PRKN: variants seen among roughly 807,000 people sequenced by gnomAD.
The protein encoded by PRKN is parkin RBR E3 ubiquitin protein ligase.
Under a neutral mutation model 59.5 loss-of-function variants are expected in PRKN, and 56 were observed. The observed-to-expected ratio is 0.94, with a 90% CI of 0.76 to 1.18. PRKN has a LOEUF of 1.18. Ranked by LOEUF, PRKN falls within the 50% of genes most tolerant of loss-of-function variation. PRKN has a pLI of 0.00. For missense variants in PRKN, 657 were observed against 596.4 expected (o/e 1.10, Z -1.06); for synonymous variants, 250 against 222.1 (o/e 1.13, Z -1.12).
At chr6:161,662,846 T>C (rs1784596104) in intron 7 of PRKN, among the ~76,000 whole-genome samples, 1 of 152,136 alleles carries the variant, frequency 6.6e-6, no homozygotes, top group South Asian at 2.1e-4. Context: ...GTGAAATACA[T>C]GAACATTCAT....
At chr6:162,670,776 C>G (rs990835767) in intron 1 of PRKN, among the ~76,000 whole-genome samples, 2 of 152,132 alleles carry the variant, frequency 1.3e-5, no homozygotes, top group Admixed American at 1.3e-4. Context: ...ACCATATTTA[C>G]AATTTTTTCC....
At chr6:162,210,274 T>C (rs983182537) in intron 3 of PRKN, among the ~76,000 whole-genome samples, 1 of 152,056 alleles carries the variant, frequency 6.6e-6, no homozygotes, top group African/African-American at 2.4e-5. Flanking sequence ...CAGTAGACAA[T>C]AATAGTATCT....
At chr6:162,658,222 A>G (rs764940631) in intron 1 of PRKN, among the ~76,000 whole-genome samples, 36 of 152,246 alleles carry the variant, frequency 2.4e-4, no homozygotes, top group Non-Finnish European at 4.9e-4. Context: ...CTGAGCAAGC[A>G]TCATATCTAT....
At chr6:162,382,324 C>T (rs1163094916) in intron 2 of PRKN, among the ~76,000 whole-genome samples, 1 of 151,908 alleles carries the variant, frequency 6.6e-6, no homozygotes, top group East Asian at 1.9e-4. Context: ...ATAATGAAAA[C>T]TTGAGGAACA....
At chr6:162,687,065 G>T (rs574889725) in intron 1 of PRKN, among the ~76,000 whole-genome samples, 153 of 152,020 alleles carry the variant, frequency 1.0e-3, no homozygotes, top group Non-Finnish European at 3.5e-4. Flanking sequence ...CTAATTCTGT[G>T]AAAAATGATG....
intron 3 of PRKN, among the ~76,000 whole-genome samples, chr6:162,203,473 G>A (rs1000816933): frequency 2.0e-5 from 3 of 152,166 alleles, no homozygotes; most frequent in Non-Finnish European, 4.4e-5. Context: ...TAAATCTTGA[G>A]AGCCCCTCCA....
intron 7 of PRKN, among the ~76,000 whole-genome samples, chr6:161,655,493 C>T (rs1158105200): frequency 1.3e-5 from 2 of 152,370 alleles, no homozygotes; most frequent in East Asian, 1.9e-4. Context: ...CGTTCCTGGG[C>T]CCACCCAGCC....
chr6:162,448,800 CTCTTTCTCTT>C (rs1283733667), intron 1 of PRKN, among the ~76,000 whole-genome samples: 5 of 125,924 alleles, frequency 4.0e-5, no homozygotes, highest in Non-Finnish European at 1.7e-5. Context: ...ACCTTTCTTT[CTCTTTCTCTT>C]TCTTTCTCTT....
chr6:162,151,881 C>G (rs954203379), intron 4 of PRKN, among the ~76,000 whole-genome samples: 3 of 135,644 alleles, frequency 2.2e-5, no homozygotes, highest in African/African-American at 7.8e-5. Context: ...CCCAGAGTTA[C>G]AGGATAATTA....
chr6:161,777,747 AGATATATATG>A (rs1789996040), intron 7 of PRKN, among the ~76,000 whole-genome samples: 1 of 139,132 alleles, frequency 7.2e-6, no homozygotes, highest in Non-Finnish European at 1.5e-5. Context: ...ATGTATATAT[AGATATATATG>A]TATATGTATA....
chr6:161,835,294 G>A (rs186665797), intron 6 of PRKN, among the ~76,000 whole-genome samples: 11 of 152,242 alleles, frequency 7.2e-5, no homozygotes, highest in East Asian at 5.8e-4. Flanking sequence ...TGACTTGAGC[G>A]TATGGTGAGA....
chr6:161,589,479 T>C (rs1388409422), intron 7 of PRKN, among the ~76,000 whole-genome samples: 1 of 152,194 alleles, frequency 6.6e-6, no homozygotes. Flanking sequence ...ATACAGATTT[T>C]TTTTTTTTTC....
At chr6:161,531,043 C>T (rs1306955203) in intron 9 of PRKN, among the ~76,000 whole-genome samples, 2 of 152,098 alleles carry the variant, frequency 1.3e-5, no homozygotes, top group Admixed American at 1.3e-4. Flanking sequence ...TTTATTTTAC[C>T]TGAATGCAAG....
intron 2 of PRKN, among the ~76,000 whole-genome samples, chr6:162,354,639 A>C (rs761144846): frequency 6.6e-6 from 1 of 152,076 alleles, no homozygotes; most frequent in Non-Finnish European, 1.5e-5. Context: ...ATTTCCAATG[A>C]AGCAATAAAG....
intron 7 of PRKN, among the ~76,000 whole-genome samples, chr6:161,765,917 A>G (rs1174466321): frequency 3.4e-4 from 52 of 152,250 alleles, no homozygotes; most frequent in Admixed American, 3.4e-3. Context: ...AAAACAAAAT[A>G]AAACAAAATG....
chr6:162,719,908 A>AAC (rs1778869618), intron 1 of PRKN, among the ~76,000 whole-genome samples: 1 of 7,698 alleles, frequency 1.3e-4, no homozygotes, highest in African/African-American at 4.5e-4. Flanking sequence ...AAAAAAAAAA[A>AAC]AAAAAAAAAA....
At chr6:162,080,406 C>A (rs574351091) in intron 4 of PRKN, among the ~76,000 whole-genome samples, 1 of 152,060 alleles carries the variant, frequency 6.6e-6, no homozygotes, top group South Asian at 2.1e-4. Context: ...TAGTTACAGG[C>A]ATAAGTTGGA....
intron 9 of PRKN, among the ~76,000 whole-genome samples, chr6:161,433,438 A>G (rs962077717): frequency 9.8e-5 from 15 of 152,350 alleles, no homozygotes; most frequent in Admixed American, 7.8e-4. Context: ...TGTTAACCTC[A>G]GAACCTCGTT....
In PRKN at chr6:161,581,485, G is replaced by A. The variant is rs945699415; in HGVS notation, c.872-12069C>T. On this transcript the variant is annotated intron_variant, in intron 7 of 11. Coordinates refer to ENST00000366898, the MANE Select transcript of PRKN (RefSeq NM_004562.3). This position sits in a 1 kb window ranked among gnomAD's most constrained non-coding sequence, Gnocchi z 4.5. ...AGAAGTGTTGAGAGAGAAGAGGCCT[G>A]GAATCTAAAAACACAGATAATGTGC... Among the ~76,000 whole-genome samples the A allele has an allele frequency of 5.3e-5, 8 of 152,252 alleles. No homozygotes were observed. In the South Asian group the frequency reaches 1.5e-3, roughly 28 times the overall value.
Sources: gnomAD v4.1 joint callset for allele counts (sites outside exome capture counted in the v4.1 genomes callset) on GRCh38, gnomAD v4.1.1 for gene constraint, Gnocchi (gnomAD v3.1) non-coding constraint, MANE v1.5 for transcripts, NCBI Gene and HGNC (gene_info 2026-07-23, HGNC 2026-07-21) for gene names.